RAB6B: variants seen among roughly 807,000 people sequenced by gnomAD.
RAB6B encodes the protein ras-related protein Rab-6B.
Under a neutral mutation model 31.2 loss-of-function variants are expected in RAB6B, and 7 were observed. That is an observed-to-expected ratio of 0.22 (90% CI 0.13 to 0.42). RAB6B has a LOEUF of 0.42. Among genes scored for constraint, RAB6B ranks in the 10% least tolerant of loss-of-function variants. The pLI is 1.00. For synonymous variants in RAB6B, 105 were observed against 104.9 expected (o/e 1.00, Z -0.01); for missense variants, 149 against 280.6 (o/e 0.53, Z 3.35).
At chr3:133,885,347 C>T (rs1271916997) in intron 1 of RAB6B, among the ~76,000 whole-genome samples, 2 of 150,254 alleles carry the variant, frequency 1.3e-5, no homozygotes, top group South Asian at 2.1e-4. Flanking sequence ...GGGACTCACA[C>T]ACCCAATGAC....
intron 1 of RAB6B, among the ~76,000 whole-genome samples, chr3:133,888,159 T>C (rs1326648550): frequency 6.6e-6 from 1 of 152,236 alleles, no homozygotes; most frequent in Non-Finnish European, 1.5e-5. Context: ...GCAAGAGGTC[T>C]GATAGTCCAC....
At chr3:133,858,416 G>T (rs1422057912) in intron 2 of RAB6B, among the ~76,000 whole-genome samples, 1 of 152,194 alleles carries the variant, frequency 6.6e-6, no homozygotes, top group African/African-American at 2.4e-5. Context: ...CCACAGACTG[G>T]ATGGCTTCAA....
At chr3:133,872,201 G>T (rs1936335684) in intron 1 of RAB6B, among the ~76,000 whole-genome samples, 1 of 152,250 alleles carries the variant, frequency 6.6e-6, no homozygotes, top group African/African-American at 2.4e-5. Context: ...CTTCCTCATT[G>T]TGCAGACCAG....
intron 1 of RAB6B, among the ~76,000 whole-genome samples, chr3:133,886,895 T>C (rs572601088): frequency 1.3e-3 from 203 of 152,252 alleles, no homozygotes; most frequent in African/African-American, 4.7e-3. Context: ...AAGGTAATGA[T>C]CAACTTCCTG....
intron 2 of RAB6B, among the ~76,000 whole-genome samples, chr3:133,862,065 T>C (rs567291787): frequency 1.3e-5 from 2 of 152,026 alleles, no homozygotes; most frequent in Admixed American, 6.5e-5. Flanking sequence ...ATTGGAGCCC[T>C]GGTCTCCCAG....
At chr3:133,883,367 G>C (rs1223067738) in intron 1 of RAB6B, among the ~76,000 whole-genome samples, 2 of 152,170 alleles carry the variant, frequency 1.3e-5, no homozygotes, top group Non-Finnish European at 2.9e-5. Context: ...CACAGAACTG[G>C]TCCATCGTCC....
At chr3:133,893,401 G>C (rs1936664097) in intron 1 of RAB6B, among the ~76,000 whole-genome samples, 1 of 152,178 alleles carries the variant, frequency 6.6e-6, no homozygotes, top group Non-Finnish European at 1.5e-5. Flanking sequence ...GAACATATGG[G>C]AGAGGTGGTG....
intron 1 of RAB6B, 72 bp downstream of exon 1, chr3:133,895,325 C>T (rs1936693391): frequency 1.3e-6 from 2 of 1,513,706 alleles, no homozygotes; most frequent in South Asian, 2.3e-5. Context: ...GGCCGGGGGT[C>T]CCAATGGGGT....
intron 1 of RAB6B, among the ~76,000 whole-genome samples, chr3:133,883,405 A>G (rs1163765695): frequency 6.6e-6 from 1 of 152,184 alleles, no homozygotes; most frequent in African/African-American, 2.4e-5. Flanking sequence ...CAGTGGCTCC[A>G]TGGGAACCTC....
chr3:133,885,685 AG>A, intron 1 of RAB6B: 1 of 699,016 alleles, frequency 1.4e-6, no homozygotes, highest in Non-Finnish European at 2.6e-6. Flanking sequence ...TAGGATGGAC[AG>A]GGGAGCTTAA....
chr3:133,892,969 C>T lies in RAB6B; in HGVS notation c.70+2428G>A, dbSNP rs2108018733. Reference sequence around the variant, plus strand: ...ACCTAACTCAAAAGCTGTGTAAAACCTAAAAGAACCCACTAACAATGCAAC... The same window carrying T: ...ACCTAACTCAAAAGCTGTGTAAAACTTAAAAGAACCCACTAACAATGCAAC... On this transcript the variant is annotated intron_variant, in intron 1 of 7. Transcript: ENST00000285208. Among the ~76,000 whole-genome samples the T allele has an allele frequency of 2.6e-5, 4 of 152,288 alleles. No individual in the cohort carries two copies. The Middle Eastern group carries it at 0.014, about 518-fold the overall frequency.
chr3:133,837,766 G>A (rs906569569), intron 6 of RAB6B, among the ~76,000 whole-genome samples: 6 of 152,170 alleles, frequency 3.9e-5, no homozygotes, highest in Admixed American at 6.5e-5. Flanking sequence ...CTTGCTAAGC[G>A]CAAGGCATGA....
At chr3:133,834,314 C>T (rs539791659) in intron 7 of RAB6B, among the ~76,000 whole-genome samples, 1 of 152,304 alleles carries the variant, frequency 6.6e-6, no homozygotes, top group East Asian at 1.9e-4. Context: ...TCTCACTCCC[C>T]ACCCCACAGC....
At chr3:133,852,223 G>A in intron 2 of RAB6B, among the ~76,000 whole-genome samples, 1 of 152,172 alleles carries the variant, frequency 6.6e-6, no homozygotes, top group East Asian at 1.9e-4. Context: ...TCAGACTTGT[G>A]CCAAATCAGA....
rs1559896930 is a variant in RAB6B, at chr3:133,827,749, C to CCCGCT, written c.*1038_*1039insAGCGG. Reference sequence around the variant, plus strand: ...AGGTGGTGGTTCTGCAGACAACACCCCCCCCCCCCCCCGCCTCCCCATCAC... The same window carrying CCCGCT: ...AGGTGGTGGTTCTGCAGACAACACCCCCGCTCCCCCCCCCCCCGCCTCCCCATCAC... On this transcript the variant is annotated 3_prime_UTR_variant, in exon 8 of 8. Coordinates refer to ENST00000285208, the MANE Select transcript of RAB6B (RefSeq NM_016577.4). The CCCGCT allele has an allele frequency of 4.8e-5, 1 of 20,654 alleles. No homozygotes were observed. Among genetic ancestry groups the CCCGCT allele is most frequent in the Non-Finnish European group, 1.2e-4 (1 of 8,242 alleles). 1.3% of individuals were successfully genotyped at this position (20,654 alleles called of 1,614,324 possible).
At chr3:133,845,325 C>T (rs1935894224) in intron 2 of RAB6B, among the ~76,000 whole-genome samples, 2 of 152,170 alleles carry the variant, frequency 1.3e-5, no homozygotes, top group African/African-American at 4.8e-5. Flanking sequence ...GGGATTAGTA[C>T]CCTTATAAAA....
At chr3:133,864,747 G>T in intron 1 of RAB6B, 105 bp from the exon 2 acceptor site, 1 of 1,124,860 alleles carries the variant, frequency 8.9e-7, no homozygotes, top group Non-Finnish European at 1.4e-6. Context: ...AAGCACAGGG[G>T]AAAGGCCGAG....
chr3:133,838,312 C>CAGATATGA (rs1935772400), intron 5 of RAB6B, 53 bp from the exon 6 acceptor site: 3 of 1,542,126 alleles, frequency 1.9e-6, no homozygotes, highest in Non-Finnish European at 1.8e-6. Flanking sequence ...CAGACCCTGG[C>CAGATATGA]AGATATGAGG....
intron 1 of RAB6B, among the ~76,000 whole-genome samples, chr3:133,893,199 C>T (rs1344229451): frequency 6.6e-6 from 1 of 152,240 alleles, no homozygotes; most frequent in African/African-American, 2.4e-5. Flanking sequence ...CCCTTACTCC[C>T]TCTTGGGGAG....
Sources: allele counts gnomAD v4.1 joint callset (sites outside exome capture counted in the v4.1 genomes callset), GRCh38; gene constraint gnomAD v4.1.1; transcripts MANE v1.5; gene names NCBI Gene and HGNC (gene_info 2026-07-23, HGNC 2026-07-21).